The following CFAP46 variants were observed in gnomAD, a reference collection of about 807,000 sequenced individuals.
CFAP46 encodes the protein cilia and flagella associated protein 46.
A neutral mutation model predicts 325.7 loss-of-function variants in CFAP46; 245 were observed. The ratio of observed to expected loss-of-function variants is 0.75; its 90% CI spans 0.68 to 0.84. The LOEUF (loss-of-function observed/expected upper bound fraction) is 0.84, where lower values mean the gene tolerates loss of function less well. Among genes scored for constraint, CFAP46 ranks in the 40% least tolerant of loss-of-function variants. The probability of loss-of-function intolerance (pLI) is 0.00; values close to 1 mark genes in which losing one functional copy is unlikely to be tolerated. For missense variants in CFAP46, 3,346 were observed against 3,543.0 expected, an observed-to-expected ratio of 0.94 and a Z score of 1.41; for synonymous variants, 1,523 against 1,495.9, an observed-to-expected ratio of 1.02 and a Z score of -0.42.
At chr10:132,848,778 T>A (rs1848485407) in intron 41 of CFAP46, among the ~76,000 whole-genome samples, 1 of 152,202 alleles carries the variant, frequency 6.6e-6, no homozygotes, top group African/African-American at 2.4e-5. Flanking sequence ...CTTTCACTTA[T>A]TAAACTTTCG....
intron 39 of CFAP46, among the ~76,000 whole-genome samples, chr10:132,854,293 C>A (rs1399762280): frequency 6.6e-6 from 1 of 152,104 alleles, no homozygotes; most frequent in Non-Finnish European, 1.5e-5. Context: ...TTTTTCAAAT[C>A]TTTGGCATTT....
At chr10:132,866,216 G>A in intron 34 of CFAP46, 45 bp from the exon 35 acceptor site, 1 of 1,451,892 alleles carries the variant, frequency 6.9e-7, no homozygotes, top group Non-Finnish European at 9.1e-7. Context: ...TGACACTTGT[G>A]ACCTCTGAGT....
intron 55 of CFAP46, 25 bp downstream of exon 55, chr10:132,812,760 G>A: frequency 6.4e-7 from 1 of 1,554,154 alleles, no homozygotes; most frequent in Non-Finnish European, 8.9e-7. Context: ...CGCGGGGGAG[G>A]GGGTGCTGAG....
At position 132,916,627 on chromosome 10, in the gene CFAP46, G is replaced by A; in HGVS notation, c.2042C>T (p.Pro681Leu). Residue 681 changes from proline (P) to leucine (L), a missense_variant, in exon 17 of 58, where the codon CCC (proline) becomes CTC (leucine). Coordinates refer to ENST00000368586, the MANE Select transcript of CFAP46 (RefSeq NM_001200049.3). ...EGVELNDRAI[P>L]PEDLSQHPAG... The stretch of plus-strand genomic sequence containing the variant: ...TGGGTGCTGGCTCAGGTCTTCGGGG[G>A]GGATGGCCCGGTCATTCAGCTCTAC... The A allele has an allele frequency of 3.9e-6, 6 of 1,537,620 alleles. No individual in the cohort carries two copies. The highest frequency in any genetic ancestry group is 5.0e-5 in the East Asian group (2 of 39,968).
intron 50 of CFAP46, among the ~76,000 whole-genome samples, chr10:132,823,837 T>C (rs1847957308): frequency 7.1e-6 from 1 of 139,994 alleles, no homozygotes; most frequent in Non-Finnish European, 1.5e-5. Flanking sequence ...ATGTGTGCTG[T>C]ATGTTGTGTG....
rs899657269 is a variant in CFAP46, at chr10:132,832,391, C to CA, written c.7117+966_7117+967insT. Among the ~76,000 whole-genome samples, 2 of 135,202 alleles carry CA rather than the reference C, an allele frequency of 1.5e-5. No homozygotes were observed. The highest frequency in any genetic ancestry group is 7.2e-5 in the Admixed American group (1 of 13,960). 88.7% of individuals were successfully genotyped at this position (135,202 alleles called of 152,430 possible). On this transcript the variant is annotated intron_variant, in intron 50 of 57. Coordinates refer to ENST00000368586, the MANE Select transcript of CFAP46 (RefSeq NM_001200049.3). This position sits in a 1 kb window ranked among gnomAD's most constrained non-coding sequence, Gnocchi z 4.1. ...CGGAGACCCCTGGGCTCTTCCTGCC[C>CA]CCCCCCCCCAATGCTGTGGCCTGGA...
chr10:132,851,267 C>T lies in CFAP46; in HGVS notation c.5613G>A (p.Ala1871=), dbSNP rs779626189. 2.0e-5 allele frequency: 33 copies of T among 1,613,910 alleles called. 1 individual carries two copies. The highest frequency in any genetic ancestry group is 5.5e-5 in the South Asian group (5 of 91,088). The part of the protein sequence containing the change: ...NVNTPLMRKL[A]RLKLGLVEMA... ...TTTCCACGAGGCCGAGCTTGAGGCG[C>T]GCCAGCTTCCTCATCAGGGGCGTGT... is the stretch of plus-strand genomic sequence containing the variant. Residue 1871 remains alanine, a synonymous_variant, in exon 40 of 58, where the codon GCG becomes GCA. Coordinates refer to ENST00000368586, the MANE Select transcript of CFAP46 (RefSeq NM_001200049.3).
At chr10:132,907,976 G>T (rs1019436019) in intron 22 of CFAP46, among the ~76,000 whole-genome samples, 1 of 152,196 alleles carries the variant, frequency 6.6e-6, no homozygotes, top group Non-Finnish European at 1.5e-5. Context: ...GGAGCCCCCC[G>T]GTCTGTGGCC....
intron 39 of CFAP46, among the ~76,000 whole-genome samples, chr10:132,852,120 C>T (rs1422862736): frequency 2.2e-5 from 3 of 138,282 alleles, no homozygotes; most frequent in African/African-American, 5.5e-5. Flanking sequence ...CCTCCATTTA[C>T]TTAGGAATTC....
rs899709488 is a variant in CFAP46 at position 132,832,398 on chromosome 10, C to CCCCCCCG, written c.7117+959_7117+960insCGGGGGG. ...CCCTGGGCTCTTCCTGCCCCCCCCC[C>CCCCCCCG]CCAATGCTGTGGCCTGGAAATTCCC... On this transcript the variant is annotated intron_variant, in intron 50 of 57. Coordinates refer to ENST00000368586, the MANE Select transcript of CFAP46 (RefSeq NM_001200049.3). This position sits in a 1 kb window ranked among gnomAD's most constrained non-coding sequence, Gnocchi z 4.1. Among the ~76,000 whole-genome samples the CCCCCCCG allele has an allele frequency of 9.3e-4, 124 of 132,998 alleles. 2 individuals carry two copies. The South Asian group carries it at 0.011, about 12-fold the overall frequency. 87.3% of individuals were successfully genotyped at this position (132,998 alleles called of 152,430 possible).
At chr10:132,870,433 C>T (rs1047313927) in intron 32 of CFAP46, among the ~76,000 whole-genome samples, 1 of 152,028 alleles carries the variant, frequency 6.6e-6, no homozygotes. Flanking sequence ...TGGAGACAGA[C>T]TGCAAGCTCG....
chr10:132,879,413 C>A lies in CFAP46; in HGVS notation c.4005+13G>T. The A allele has an allele frequency of 6.7e-7, 1 of 1,491,288 alleles. No homozygotes were observed. The highest frequency in any genetic ancestry group is 2.0e-4 in the Middle Eastern group (1 of 5,112). The allele number at this position is 1,491,288 out of a possible 1,614,324, so 92.4% of individuals were successfully genotyped here. ...GGTGCTGCAGGAGCAGGGGAGTCTG[C>A]GCTGGGCCTCACCTGCCAGATGTGC... is the stretch of plus-strand genomic sequence containing the variant. On this transcript the variant is annotated intron_variant, in intron 29 of 57. Coordinates refer to ENST00000368586, the MANE Select transcript of CFAP46 (RefSeq NM_001200049.3).
At position 132,942,093 on chromosome 10, in the gene CFAP46, A is replaced by G; in HGVS notation, c.61T>C (p.Leu21=). ...TTGATCAACTCGTAGGCCTTCTTCA[A>G]GGACGCAGCATCTGTCCCAAACGGG... ...RAESQQDAAS[L]KKAYELIKSA... The change falls in exon 2 of 58, where the codon TTG becomes CTG. Residue 21 remains leucine, a synonymous_variant. Transcript: ENST00000368586. 1.3e-6 allele frequency: 2 copies of G among 1,551,660 alleles called. No homozygotes were observed. The highest frequency in any genetic ancestry group is 1.2e-5 in the South Asian group (1 of 84,058).
rs373856374 is a variant in CFAP46 at position 132,834,107 on chromosome 10, C to T, written c.6883G>A (p.Val2295Ile). 67 of 1,614,020 alleles carry T rather than the reference C, an allele frequency of 4.2e-5. No homozygotes were observed. The highest frequency in any genetic ancestry group is 5.2e-5 in the Non-Finnish European group (61 of 1,180,010). ...TTCGACTTCCCTGAATCGGCAACAA[C>T]CGCAGGTGTCTGCACTCTGAAAGTC... ...LSKARVQTPA[V>I]VADSGKSKGK... Residue 2295 changes from valine (V) to isoleucine (I), a missense_variant, in exon 49 of 58, where the codon GTT becomes ATT. Val to Ile is a conservative substitution (Grantham distance 29). Coordinates refer to ENST00000368586, the MANE Select transcript of CFAP46 (RefSeq NM_001200049.3).
At position 132,899,108 on chromosome 10, in the gene CFAP46, C is replaced by A. The variant is rs142033285; in HGVS notation, c.3070G>T (p.Ala1024Ser). The A allele has an allele frequency of 6.5e-7, 1 of 1,549,462 alleles. No individual in the cohort carries two copies. Among genetic ancestry groups the A allele is most frequent in the East Asian group, 2.4e-5 (1 of 40,916 alleles). Residue 1024 changes from alanine (A) to serine (S), a missense_variant, in exon 24 of 58, where the codon GCG (alanine) becomes TCG (serine). Ala to Ser is a moderately conservative substitution (Grantham distance 99). Transcript: ENST00000368586. ...AGCATCACCAGGGCGCTGCTGCCCGCGATGCCTCCGAACCTAAAAGAGGGC... is the reference window on the plus strand; with the variant it reads ...AGCATCACCAGGGCGCTGCTGCCCGAGATGCCTCCGAACCTAAAAGAGGGC... ...FTESARFGGIAGSSALVMLAA... is the reference protein window; with the variant it reads ...FTESARFGGISGSSALVMLAA...
chr10:132,860,728 C>G (rs1453895831), intron 36 of CFAP46, 54 bp downstream of exon 36: 1 of 1,534,162 alleles, frequency 6.5e-7, no homozygotes, highest in African/African-American at 1.4e-5. Flanking sequence ...TTCCTCTCCA[C>G]CAAGCACCTG....
At chr10:132,926,747 T>G in intron 9 of CFAP46, 81 bp from the exon 10 acceptor site, 2 of 1,019,688 alleles carry the variant, frequency 2.0e-6, no homozygotes, top group Non-Finnish European at 3.0e-6. Flanking sequence ...CAAAGGCATT[T>G]AAAATATTAC....
In CFAP46 at chr10:132,867,365, G is replaced by A. The variant is rs1409540288; in HGVS notation, c.4743+10C>T. 1.9e-6 allele frequency: 3 copies of A among 1,547,368 alleles called. No homozygotes were observed. In the South Asian group the frequency reaches 3.6e-5, roughly 19 times the overall value. On this transcript the variant is annotated intron_variant, in intron 34 of 57. Transcript: ENST00000368586. ...CTGCGGGTCAGAGGGATTCTGGACG[G>A]TGAGGTTACCTTGTCCTTGGCGTCC...
In CFAP46 at chr10:132,939,901, C is replaced by T. The variant is rs563293459; in HGVS notation, c.371+1095G>A. On this transcript the variant is annotated intron_variant, in intron 4 of 57. Transcript: ENST00000368586. The surrounding 1 kb of genome is among the most constrained non-coding windows in gnomAD (Gnocchi z 4.6). ...ACTGACACTGCCCTGGACAAGCCAG[C>T]GCTGCCCTCTCTCTCCACACAACCT... is the stretch of plus-strand genomic sequence containing the variant. Among the ~76,000 whole-genome samples, 193 of 152,318 alleles carry T rather than the reference C, an allele frequency of 1.3e-3. No individual in the cohort carries two copies. Among genetic ancestry groups the T allele is most frequent in the African/African-American group, 4.1e-3 (170 of 41,566 alleles).
Sources: allele counts gnomAD v4.1 joint callset (sites outside exome capture counted in the v4.1 genomes callset), GRCh38; gene constraint gnomAD v4.1.1; non-coding constraint Gnocchi (gnomAD v3.1); transcripts MANE v1.5; gene names NCBI Gene and HGNC (gene_info 2026-07-23, HGNC 2026-07-21).